TBC1D22A: variants seen among roughly 807,000 people sequenced by gnomAD.
TBC1D22A encodes the protein TBC1 domain family member 22A.
TBC1D22A carries 38 observed loss-of-function variants against 60.2 expected under a neutral mutation model. That is an observed-to-expected ratio of 0.63 (90% CI 0.49 to 0.83). TBC1D22A has a LOEUF of 0.83. Among genes scored for constraint, TBC1D22A ranks in the 40% least tolerant of loss-of-function variants. TBC1D22A has a pLI of 0.00. For missense variants in TBC1D22A, 628 were observed against 701.0 expected (o/e 0.90, Z 1.18); for synonymous variants, 302 against 281.7 (o/e 1.07, Z -0.72).
At chr22:47,114,564 G>A (rs1171241649) in intron 12 of TBC1D22A, among the ~76,000 whole-genome samples, 2 of 152,076 alleles carry the variant, frequency 1.3e-5, no homozygotes, top group Non-Finnish European at 2.9e-5. Context: ...TGAGCACGGG[G>A]AATGTGTGTG....
intron 4 of TBC1D22A, among the ~76,000 whole-genome samples, chr22:46,813,820 T>A (rs1271591081): frequency 2.6e-5 from 4 of 152,220 alleles, no homozygotes; most frequent in African/African-American, 9.6e-5. Flanking sequence ...AGCCACCTCC[T>A]CAGCCCAGGA....
chr22:47,145,068 T>C (rs967129710), intron 12 of TBC1D22A, among the ~76,000 whole-genome samples: 1 of 152,206 alleles, frequency 6.6e-6, no homozygotes, highest in African/African-American at 2.4e-5. Context: ...TGCAGCGTTT[T>C]TCTGTGCATC....
chr22:46,903,036 C>T lies in TBC1D22A; in HGVS notation c.900+8190C>T, dbSNP rs118095562. ...GAGGGTCATGCCCAATTGCTGGGGC[C>T]GCCTCACGTCTCTGCTCTGTGATTT... On this transcript the variant is annotated intron_variant, in intron 7 of 12. Coordinates refer to ENST00000337137, the MANE Select transcript of TBC1D22A (RefSeq NM_014346.5). Among the ~76,000 whole-genome samples the T allele has an allele frequency of 5.6e-3, 846 of 152,312 alleles. 8 individuals are homozygous for T. The highest frequency in any genetic ancestry group is 0.029 in the South Asian group (141 of 4,832).
At chr22:46,817,340 G>A (rs1160302534) in intron 4 of TBC1D22A, among the ~76,000 whole-genome samples, 1 of 151,574 alleles carries the variant, frequency 6.6e-6, no homozygotes, top group African/African-American at 2.4e-5. Context: ...TAGGTTACGT[G>A]TGCCATGGTG....
At chr22:46,770,979 T>C (rs1601794461) in intron 1 of TBC1D22A, among the ~76,000 whole-genome samples, 1 of 152,216 alleles carries the variant, frequency 6.6e-6, no homozygotes, top group Non-Finnish European at 1.5e-5. Context: ...GGGTGAGATT[T>C]TGCTGTAGGT....
chr22:46,904,142 T>TCTGCCTAC (rs369598619), intron 7 of TBC1D22A, among the ~76,000 whole-genome samples: 7,991 of 134,530 alleles, frequency 0.059, 376 homozygotes, highest in Middle Eastern at 0.11. Context: ...TATCTATCTA[T>TCTGCCTAC]CTACCTACCT....
At chr22:46,875,554 T>A (rs966543751) in intron 4 of TBC1D22A, among the ~76,000 whole-genome samples, 1 of 151,894 alleles carries the variant, frequency 6.6e-6, no homozygotes, top group African/African-American at 2.4e-5. Context: ...CAGGTTCAAG[T>A]GATTCTCCTG....
intron 12 of TBC1D22A, among the ~76,000 whole-genome samples, chr22:47,133,211 C>T (rs2066743198): frequency 1.3e-5 from 2 of 152,238 alleles, no homozygotes; most frequent in Non-Finnish European, 2.9e-5. Context: ...TGCACAGGGA[C>T]ATCTTAGAAA....
intron 10 of TBC1D22A, among the ~76,000 whole-genome samples, chr22:47,010,686 G>T (rs2061725692): frequency 6.6e-6 from 1 of 152,128 alleles, no homozygotes; most frequent in Non-Finnish European, 1.5e-5. Context: ...CTGGGTTCCA[G>T]GCTACCCCAG....
chr22:47,173,542 T>C lies in TBC1D22A; in HGVS notation c.1470T>C (p.Asp490=). The change falls in exon 13 of 13, where the codon GAT becomes GAC. Residue 490 remains aspartate (D), a synonymous_variant. Coordinates refer to ENST00000337137, the MANE Select transcript of TBC1D22A (RefSeq NM_014346.5). Reference sequence around the variant, plus strand: ...AGAACCTGCCCACAGCCCACTGGGATGATGAGGACATCAGCCTGTTGCTGG... The same window carrying C: ...AGAACCTGCCCACAGCCCACTGGGACGATGAGGACATCAGCCTGTTGCTGG... ...FLQNLPTAHW[D]DEDISLLLAE... The C allele has an allele frequency of 6.2e-7, 1 of 1,614,184 alleles. No homozygotes were observed. The highest frequency in any genetic ancestry group is 8.5e-7 in the Non-Finnish European group (1 of 1,180,022).
intron 4 of TBC1D22A, among the ~76,000 whole-genome samples, chr22:46,849,473 C>T (rs1053002287): frequency 3.3e-5 from 5 of 152,218 alleles, no homozygotes; most frequent in African/African-American, 7.2e-5. Context: ...TTGACTAAGA[C>T]ACAGTCTCTG....
At chr22:46,904,146 C>CTATCTATCTAT (rs1555937562) in intron 7 of TBC1D22A, among the ~76,000 whole-genome samples, 17 of 45,448 alleles carry the variant, frequency 3.7e-4, no homozygotes, top group South Asian at 9.1e-4. Context: ...TATCTATCTA[C>CTATCTATCTAT]CTACCTACCT....
intron 10 of TBC1D22A, among the ~76,000 whole-genome samples, chr22:47,001,454 A>G (rs2061410678): frequency 6.9e-6 from 1 of 145,322 alleles, no homozygotes; most frequent in African/African-American, 2.5e-5. Flanking sequence ...CAAAAAAGAA[A>G]AAAAAAAAAA....
intron 8 of TBC1D22A, among the ~76,000 whole-genome samples, chr22:46,927,668 A>T (rs767267189): frequency 7.2e-5 from 11 of 152,230 alleles, no homozygotes; most frequent in African/African-American, 2.7e-4. Context: ...AGATGACAGG[A>T]TCTTGTATGT....
chr22:47,147,707 C>A (rs1454620572), intron 12 of TBC1D22A, among the ~76,000 whole-genome samples: 1 of 152,264 alleles, frequency 6.6e-6, no homozygotes, highest in African/African-American at 2.4e-5. Context: ...TGAGCCCCGC[C>A]GCAGGGCTCC....
At chr22:46,790,254 A>G (rs1422536192) in intron 1 of TBC1D22A, among the ~76,000 whole-genome samples, 1 of 152,266 alleles carries the variant, frequency 6.6e-6, no homozygotes, top group African/African-American at 2.4e-5. Flanking sequence ...CTCCACGTAC[A>G]GAGTCAGCCA....
At chr22:46,821,427 G>A (rs2085827871) in intron 4 of TBC1D22A, among the ~76,000 whole-genome samples, 1 of 151,768 alleles carries the variant, frequency 6.6e-6, no homozygotes, top group Non-Finnish European at 1.5e-5. Context: ...GCAGGGCAGA[G>A]CTCTGCAGTT....
chr22:46,866,204 A>G (rs1448488613), intron 4 of TBC1D22A, among the ~76,000 whole-genome samples: 1 of 152,196 alleles, frequency 6.6e-6, no homozygotes, highest in Non-Finnish European at 1.5e-5. Context: ...TCCTGGGTTC[A>G]AGCGATTCTC....
At chr22:47,098,354 G>A (rs2065265058) in intron 11 of TBC1D22A, among the ~76,000 whole-genome samples, 2 of 152,154 alleles carry the variant, frequency 1.3e-5, no homozygotes, top group South Asian at 2.1e-4. Context: ...AGGGGTGATG[G>A]GGCAGCATGG....
Sources: allele counts gnomAD v4.1 joint callset (sites outside exome capture counted in the v4.1 genomes callset), GRCh38; gene constraint gnomAD v4.1.1; transcripts MANE v1.5; gene names NCBI Gene and HGNC (gene_info 2026-07-23, HGNC 2026-07-21).